Variants in LDLRAD4 observed in about 807,000 individuals in gnomAD.
The protein encoded by LDLRAD4 is low density lipoprotein receptor class A domain containing 4.
LDLRAD4 carries 5 observed loss-of-function variants against 17.0 expected under a neutral mutation model. The ratio of observed to expected loss-of-function variants is 0.29; its 90% CI spans 0.15 to 0.62. The LOEUF (loss-of-function observed/expected upper bound fraction) is 0.62. Among genes scored for constraint, LDLRAD4 ranks in the 20% least tolerant of loss-of-function variants. LDLRAD4 has a pLI of 0.84. For missense variants in LDLRAD4, 340 were observed against 424.7 expected (o/e 0.80, Z 1.75); for synonymous variants, 168 against 171.8 (o/e 0.98, Z 0.17).
exon 6 of LDLRAD4, chr18:13,648,320 C>T (rs2043093506): frequency 6.6e-6 from 1 of 152,212 alleles, no homozygotes; most frequent in South Asian, 2.1e-4. Flanking sequence ...GAGGCTCCTC[C>T]CATTCAACCA....
chr18:13,434,902 G>A (rs1207330682), intron 2 of LDLRAD4, among the ~76,000 whole-genome samples: 2 of 152,244 alleles, frequency 1.3e-5, no homozygotes, highest in Non-Finnish European at 2.9e-5. Context: ...CATCTGCGCT[G>A]CCCATTGGAG....
At chr18:13,310,075 C>T (rs552432806) in intron 1 of LDLRAD4, among the ~76,000 whole-genome samples, 1 of 151,832 alleles carries the variant, frequency 6.6e-6, no homozygotes, top group Non-Finnish European at 1.5e-5. Context: ...CATGGTGTCT[C>T]ACGCCAGGAA....
At chr18:13,406,858 A>C (rs2087809025) in intron 2 of LDLRAD4, among the ~76,000 whole-genome samples, 1 of 152,162 alleles carries the variant, frequency 6.6e-6, no homozygotes, top group South Asian at 2.1e-4. Context: ...TAGAAATGCA[A>C]CTGTCAGGGT....
upstream of LDLRAD4, among the ~76,000 whole-genome samples, chr18:13,218,477 G>A (rs981846200): frequency 2.6e-5 from 4 of 152,048 alleles, no homozygotes; most frequent in African/African-American, 9.7e-5. Context: ...GCGGATGGCA[G>A]CCCCAACTGT....
intron 1 of LDLRAD4, among the ~76,000 whole-genome samples, chr18:13,350,601 G>C (rs1180478524): frequency 1.3e-5 from 2 of 152,124 alleles, no homozygotes; most frequent in Non-Finnish European, 2.9e-5. Context: ...TCTGATGATA[G>C]TTTCTTTTGC....
chr18:13,229,006 G>A (rs570630413), intron 1 of LDLRAD4, among the ~76,000 whole-genome samples: 1 of 152,352 alleles, frequency 6.6e-6, no homozygotes, highest in African/African-American at 2.4e-5. Context: ...TTTGGTTGCT[G>A]TAACATTGTA....
chr18:13,616,251 TGG>T (rs150523063), intron 3 of LDLRAD4: 96,210 of 143,250 alleles, frequency 0.67, 32,950 homozygotes, highest in East Asian at 0.9. Flanking sequence ...GGAGGACAGG[TGG>T]GGGGGGGGGG....
chr18:13,598,748 C>A (rs1443439047), intron 3 of LDLRAD4, among the ~76,000 whole-genome samples: 1 of 152,220 alleles, frequency 6.6e-6, no homozygotes, highest in East Asian at 1.9e-4. Flanking sequence ...CTTTGGAACT[C>A]TTTGTTCTTA....
intron 3 of LDLRAD4, among the ~76,000 whole-genome samples, chr18:13,458,960 G>T (rs150309096): frequency 6.6e-6 from 1 of 152,294 alleles, no homozygotes; most frequent in African/African-American, 2.4e-5. Context: ...CCACCTCCTT[G>T]ATTTTCACCC....
At chr18:13,609,868 G>T (rs1301775746) in intron 3 of LDLRAD4, among the ~76,000 whole-genome samples, 1 of 152,172 alleles carries the variant, frequency 6.6e-6, no homozygotes, top group East Asian at 1.9e-4. Flanking sequence ...TGTAATCCCA[G>T]CTACTCGGGA....
chr18:13,291,080 A>G (rs1010074343), intron 1 of LDLRAD4, among the ~76,000 whole-genome samples: 5 of 152,232 alleles, frequency 3.3e-5, no homozygotes, highest in Admixed American at 1.3e-4. Context: ...CAGGCTGTTT[A>G]CCAAGTCTGG....
intron 2 of LDLRAD4, among the ~76,000 whole-genome samples, chr18:13,409,606 T>G (rs919031660): frequency 2.6e-5 from 4 of 152,250 alleles, no homozygotes; most frequent in Admixed American, 2.6e-4. Context: ...TTGTATTATA[T>G]CTGACAGCAT....
chr18:13,427,725 A>G (rs765667842), intron 2 of LDLRAD4, among the ~76,000 whole-genome samples: 10 of 152,210 alleles, frequency 6.6e-5, no homozygotes, highest in Non-Finnish European at 1.3e-4. Flanking sequence ...ACGATTCCAT[A>G]ATTGAAGACC....
chr18:13,641,552 CCAGA>C (rs564846756), intron 4 of LDLRAD4, among the ~76,000 whole-genome samples: 66 of 152,368 alleles, frequency 4.3e-4, no homozygotes, highest in Admixed American at 4.2e-3. Flanking sequence ...CGGCCTCTGC[CCAGA>C]CACTCAGTGC....
chr18:13,374,719 G>T (rs2084774931), intron 1 of LDLRAD4, among the ~76,000 whole-genome samples: 1 of 152,268 alleles, frequency 6.6e-6, no homozygotes, highest in Non-Finnish European at 1.5e-5. Context: ...TGGGACCCGT[G>T]CTCTGAAATG....
At chr18:13,271,368 A>G (rs11662800) in intron 1 of LDLRAD4, among the ~76,000 whole-genome samples, 68,733 of 152,012 alleles carry the variant, frequency 0.45, 17,872 homozygotes, top group Non-Finnish European at 0.58. Flanking sequence ...TGTGAAAGCG[A>G]AGGGTGGAGA....
chr18:13,594,425 G>A (rs777633500), intron 3 of LDLRAD4, among the ~76,000 whole-genome samples: 1 of 151,972 alleles, frequency 6.6e-6, no homozygotes. Context: ...GTGTGGTAAC[G>A]CTTGCCTGAA....
chr18:13,423,113 A>G (rs572251448), intron 2 of LDLRAD4, among the ~76,000 whole-genome samples: 49 of 152,360 alleles, frequency 3.2e-4, no homozygotes, highest in African/African-American at 1.2e-3. Flanking sequence ...TGATGTAATC[A>G]TGATGAGCCA....
At chr18:13,510,861 G>C (rs1357220402) in intron 3 of LDLRAD4, among the ~76,000 whole-genome samples, 2 of 152,188 alleles carry the variant, frequency 1.3e-5, no homozygotes, top group Non-Finnish European at 2.9e-5. Context: ...TGAAAGCATG[G>C]AGAGGATTAA....
Sources: allele counts gnomAD v4.1 joint callset (sites outside exome capture counted in the v4.1 genomes callset), GRCh38; gene constraint gnomAD v4.1.1; transcripts MANE v1.5; gene names NCBI Gene and HGNC (gene_info 2026-07-23, HGNC 2026-07-21).